MICALL1: variants seen among roughly 807,000 people sequenced by gnomAD.
The protein encoded by MICALL1 is MICAL like 1.
A neutral mutation model predicts 83.7 loss-of-function variants in MICALL1; 61 were observed. The observed-to-expected ratio is 0.73, with a 90% CI of 0.59 to 0.90. The LOEUF is 0.90. Among genes scored for constraint, MICALL1 ranks in the 40% least tolerant of loss-of-function variants. The pLI is 0.00. For synonymous variants in MICALL1, 481 were observed against 473.6 expected (o/e 1.02, Z -0.20); for missense variants, 1,066 against 1,152.0 (o/e 0.93, Z 1.08).
rs377260667 is a variant in MICALL1 at position 37,927,877 on chromosome 22, G to A, written c.1881+51G>A. ...AAGTGACATCCTCTCTAGTGGATGCGGGTCTGGTCTCAGGGCAGAAATGTC... is the reference window on the plus strand; with the variant it reads ...AAGTGACATCCTCTCTAGTGGATGCAGGTCTGGTCTCAGGGCAGAAATGTC... On this transcript the variant is annotated intron_variant, in intron 9 of 15. Coordinates refer to ENST00000215957, the MANE Select transcript of MICALL1 (RefSeq NM_033386.4). 5.4e-5 allele frequency: 81 copies of A among 1,512,520 alleles called. No individual in the cohort carries two copies. In the South Asian group the frequency reaches 5.8e-4, roughly 11 times the overall value. The allele number at this position is 1,512,520 out of a possible 1,614,324, so 93.7% of individuals were successfully genotyped here.
chr22:37,912,513 T>G, intron 3 of MICALL1, 21 bp downstream of exon 3: 1 of 1,576,498 alleles, frequency 6.3e-7, no homozygotes, highest in Admixed American at 1.7e-5. Context: ...GACTCAGCGT[T>G]TCACGGAGGC....
At position 37,924,857 on chromosome 22, in the gene MICALL1, A is replaced by C; in HGVS notation, c.1082+140A>C. The C allele has an allele frequency of 2.7e-6, 2 of 754,428 alleles. No homozygotes were observed. Among genetic ancestry groups the C allele is most frequent in the Non-Finnish European group, 4.2e-6 (2 of 480,200 alleles). 46.7% of individuals were successfully genotyped at this position (754,428 alleles called of 1,614,324 possible). ...GGAGGGGAAGGAGAGCTGGGCCCACACCCCTTCTCCTGAGGCTCACCCCGG... is the reference window on the plus strand; with the variant it reads ...GGAGGGGAAGGAGAGCTGGGCCCACCCCCCTTCTCCTGAGGCTCACCCCGG... On this transcript the variant is annotated intron_variant, in intron 7 of 15. Transcript: ENST00000215957. This position sits in a 1 kb window ranked among gnomAD's most constrained non-coding sequence, Gnocchi z 5.2.
chr22:37,915,457 G>T (rs1274279671), intron 3 of MICALL1, among the ~76,000 whole-genome samples: 2 of 152,080 alleles, frequency 1.3e-5, no homozygotes, highest in Non-Finnish European at 2.9e-5. Context: ...TTGGGGTTAA[G>T]AGCATGGACT....
chr22:37,930,962 A>G lies in MICALL1; in HGVS notation c.1882-837A>G, dbSNP rs1929755528. Among the ~76,000 whole-genome samples the G allele has an allele frequency of 6.6e-6, 1 of 152,318 alleles. No homozygotes were observed. Among genetic ancestry groups the G allele is most frequent in the Middle Eastern group, 3.4e-3 (1 of 294 alleles). On this transcript the variant is annotated intron_variant, in intron 9 of 15. Transcript: ENST00000215957. The surrounding 1 kb of genome is among the most constrained non-coding windows in gnomAD (Gnocchi z 4.8). ...ATAGCTCTGTCTTGCCTTAAACCCA[A>G]TGCCATTCTGTGCTTCTAGGGAAAC... is the stretch of plus-strand genomic sequence containing the variant.
In MICALL1 at chr22:37,927,770, G is replaced by A. The variant is rs1364578300; in HGVS notation, c.1825G>A (p.Gly609Arg). The A allele has an allele frequency of 8.1e-6, 13 of 1,613,270 alleles. No homozygotes were observed. Among genetic ancestry groups the A allele is most frequent in the Non-Finnish European group, 1.1e-5 (13 of 1,179,854 alleles). The change falls in exon 9 of 16, where the codon GGA becomes AGA. Residue 609 changes from glycine (G) to arginine (R), a missense_variant. By Grantham distance (125) the Gly-to-Arg change is moderately radical. Coordinates refer to ENST00000215957, the MANE Select transcript of MICALL1 (RefSeq NM_033386.4). ...CACCCCAACGCCTCTCTTGTTGGTT[G>A]GAGACAGGAGCCCGGTGCCTTCCCC... ...GATPTPLLLV[G>R]DRSPVPSPGS...
chr22:37,920,805 A>G (rs1485272089), intron 5 of MICALL1, among the ~76,000 whole-genome samples: 1 of 152,082 alleles, frequency 6.6e-6, no homozygotes, highest in African/African-American at 2.4e-5. Context: ...AGGCGCCTGT[A>G]GTCCCAGCTA....
intron 5 of MICALL1, among the ~76,000 whole-genome samples, chr22:37,920,357 G>A (rs1252089676): frequency 6.6e-6 from 1 of 152,092 alleles, no homozygotes; most frequent in Non-Finnish European, 1.5e-5. Flanking sequence ...GTGGGGGGCA[G>A]CTGGTGCTGG....
intron 3 of MICALL1, among the ~76,000 whole-genome samples, chr22:37,913,605 G>A (rs1928477716): frequency 6.6e-6 from 1 of 152,218 alleles, no homozygotes; most frequent in Admixed American, 6.5e-5. Flanking sequence ...GGGCTACAAA[G>A]TGACTCGGTT....
In MICALL1 at chr22:37,921,976, C is replaced by T. The variant is rs766820985; in HGVS notation, c.574C>T (p.Arg192Trp). The change falls in exon 6 of 16, where the codon CGG becomes TGG. Residue 192 changes from arginine to tryptophan, a missense_variant. Arg to Trp is a moderately radical substitution (Grantham distance 101). Transcript: ENST00000215957. The part of the protein sequence containing the change: ...RLYHRHCFRC[R>W]RCSSTLLPGA... ...CCCTGTCCTGTCCCCTGCCAGGTGT[C>T]GGCGGTGCTCCAGCACCCTGCTCCC... 14 of 1,564,300 alleles carry T rather than the reference C, an allele frequency of 8.9e-6. No individual in the cohort carries two copies. The highest frequency in any genetic ancestry group is 8.1e-5 in the African/African-American group (6 of 73,954).
At chr22:37,922,784 TTG>T (rs1448442983) in intron 6 of MICALL1, among the ~76,000 whole-genome samples, 87 of 134,762 alleles carry the variant, frequency 6.5e-4, no homozygotes, top group African/African-American at 2.1e-3. Context: ...TAATTTTGTT[TTG>T]TTTTTTTTTG....
chr22:37,940,798 G>A lies in MICALL1; in HGVS notation c.2560G>A (p.Ala854Thr), dbSNP rs371714044. Residue 854 changes from alanine (A) to threonine (T), a missense_variant, in exon 16 of 16, where the codon GCC becomes ACC. By Grantham distance (58) the Ala-to-Thr change is moderately conservative. Transcript: ENST00000215957. ...MLKLLGNKRD[A>T]KSKSPRDKS ...GAAACTGCTAGGAAACAAACGTGAT[G>A]CCAAGAGCAAGTCCCCCAGAGACAA... The A allele has an allele frequency of 1.9e-6, 3 of 1,613,984 alleles. No individual in the cohort carries two copies. The African/African-American group carries it at 4.0e-5, about 22-fold the overall frequency.
intron 3 of MICALL1, among the ~76,000 whole-genome samples, chr22:37,917,436 T>C (rs927993676): frequency 1.3e-5 from 2 of 152,210 alleles, no homozygotes; most frequent in African/African-American, 4.8e-5. Flanking sequence ...ATCGTACTGT[T>C]GCGCCATTGT....
Position 37,932,760 on chromosome 22 carries a change from G to C in MICALL1, c.2144-38G>C, listed in dbSNP as rs1929866443. On this transcript the variant is annotated intron_variant, in intron 11 of 15. Transcript: ENST00000215957. The surrounding 1 kb of genome is among the most constrained non-coding windows in gnomAD (Gnocchi z 4.4). ...TCCCCGGGGAACTGAGCCAGGCATG[G>C]CAGCCAGCCCTGGCCTCAGTGGGTA... is the stretch of plus-strand genomic sequence containing the variant. 8 of 1,613,658 alleles carry C rather than the reference G, an allele frequency of 5.0e-6. No individual in the cohort carries two copies. The highest frequency in any genetic ancestry group is 6.8e-6 in the Non-Finnish European group (8 of 1,179,780).
chr22:37,926,077 G>A lies in MICALL1; in HGVS notation c.1465+34G>A, dbSNP rs759914638. ...CTTTCCTGGAGCTCTCCTGACAGTC[G>A]GAACTCGGGGGTGGGGCCCGGGCCT... On this transcript the variant is annotated intron_variant, in intron 8 of 15. Coordinates refer to ENST00000215957, the MANE Select transcript of MICALL1 (RefSeq NM_033386.4). The A allele has an allele frequency of 2.6e-6, 4 of 1,545,156 alleles. No homozygotes were observed. In the East Asian group the frequency reaches 6.8e-5, roughly 26 times the overall value.
At position 37,931,910 on chromosome 22, in the gene MICALL1, G is replaced by A. The variant is rs750666477; in HGVS notation, c.1993G>A (p.Gly665Ser). 9.9e-6 allele frequency: 16 copies of A among 1,614,100 alleles called. No individual in the cohort carries two copies. The South Asian group carries it at 1.8e-4, about 18-fold the overall frequency. ...AGTGAGGCCACCTGCCCCTGGACAC[G>A]GCTTTCCACTCATCAAACGCAAGGT... ...KPVRPPAPGHGFPLIKRKVQA... is the reference protein window; with the variant it reads ...KPVRPPAPGHSFPLIKRKVQA... Residue 665 changes from glycine to serine, a missense_variant, in exon 10 of 16, where the codon GGC (glycine) becomes AGC (serine). Transcript: ENST00000215957.
At chr22:37,934,249 A>G (rs1467564907) in intron 13 of MICALL1, among the ~76,000 whole-genome samples, 2 of 152,130 alleles carry the variant, frequency 1.3e-5, no homozygotes, top group Admixed American at 1.3e-4. Context: ...TGAGGCTCCG[A>G]GTACAGTACA....
At chr22:37,926,774 G>C (rs1929469404) in intron 8 of MICALL1, 1 of 153,210 alleles carries the variant, frequency 6.5e-6, no homozygotes, top group Non-Finnish European at 1.5e-5. Flanking sequence ...TGCTCAGGGG[G>C]TCTGAGCGGA....
chr22:37,919,245 C>G, intron 5 of MICALL1, 67 bp downstream of exon 5: 1 of 1,420,598 alleles, frequency 7.0e-7, no homozygotes, highest in Non-Finnish European at 9.3e-7. Flanking sequence ...TCAGCACACA[C>G]AGTGCGCCAG....
At chr22:37,934,962 C>A (rs973989153) in intron 13 of MICALL1, among the ~76,000 whole-genome samples, 9 of 150,426 alleles carry the variant, frequency 6.0e-5, no homozygotes, top group Non-Finnish European at 1.3e-4. Flanking sequence ...GATGGAGTCT[C>A]ACTCTGTTGC....
Sources: allele counts gnomAD v4.1 joint callset (sites outside exome capture counted in the v4.1 genomes callset), GRCh38; gene constraint gnomAD v4.1.1; non-coding constraint Gnocchi (gnomAD v3.1); transcripts MANE v1.5; gene names NCBI Gene and HGNC (gene_info 2026-07-23, HGNC 2026-07-21).